The following CFAP61 variants were observed in gnomAD, a reference collection of about 807,000 sequenced individuals.
The protein encoded by CFAP61 is cilia- and flagella-associated protein 61.
A neutral mutation model predicts 135.6 loss-of-function variants in CFAP61; 107 were observed. The ratio of observed to expected loss-of-function variants is 0.79; its 90% CI spans 0.67 to 0.93. CFAP61 has a LOEUF of 0.93. Among genes scored for constraint, CFAP61 ranks in the 40% least tolerant of loss-of-function variants. The probability of loss-of-function intolerance (pLI) is 0.00; values close to 1 mark genes in which losing one functional copy is unlikely to be tolerated. For missense variants in CFAP61, 1,507 were observed against 1,556.2 expected, an observed-to-expected ratio of 0.97 and a Z score of 0.53; for synonymous variants, 575 against 578.5, an observed-to-expected ratio of 0.99 and a Z score of 0.09.
At chr20:20,061,504 A>C (rs2044793881) in intron 2 of CFAP61, among the ~76,000 whole-genome samples, 1 of 152,184 alleles carries the variant, frequency 6.6e-6, no homozygotes, top group Admixed American at 6.5e-5. Flanking sequence ...CTCACCCAAA[A>C]TAAGGGCTAG....
At chr20:20,324,563 T>C (rs1282290609) in intron 25 of CFAP61, among the ~76,000 whole-genome samples, 1 of 152,218 alleles carries the variant, frequency 6.6e-6, no homozygotes, top group Non-Finnish European at 1.5e-5. Flanking sequence ...TTGTATATAA[T>C]GTTACCACTG....
chr20:20,200,257 C>T (rs897194614), intron 17 of CFAP61, among the ~76,000 whole-genome samples: 3 of 152,230 alleles, frequency 2.0e-5, no homozygotes, highest in Non-Finnish European at 4.4e-5. Context: ...GTTTTGCTTT[C>T]AATGCATTAA....
intron 8 of CFAP61, among the ~76,000 whole-genome samples, chr20:20,101,653 C>A (rs1218617459): frequency 1.4e-4 from 1 of 7,258 alleles, no homozygotes; most frequent in African/African-American, 8.7e-4. Context: ...GAGATGAAGG[C>A]CCCCCTCTGT....
In CFAP61 at chr20:20,199,764, T is replaced by A. The variant is rs750524058; in HGVS notation, c.1798-4T>A. ...CCCCTAAAATATAGATTGCTGTCTTTCAGTTCCAGAACCCCTACGCCCACT... is the reference window on the plus strand; with the variant it reads ...CCCCTAAAATATAGATTGCTGTCTTACAGTTCCAGAACCCCTACGCCCACT... On this transcript the variant is annotated splice_polypyrimidine_tract_variant and splice_region_variant and intron_variant, in intron 16 of 26. Transcript: ENST00000245957. 1 of 1,614,078 alleles carries A rather than the reference T, an allele frequency of 6.2e-7. No individual in the cohort carries two copies.
intron 6 of CFAP61, among the ~76,000 whole-genome samples, chr20:20,076,352 AG>A (rs1360929783): frequency 6.6e-6 from 1 of 152,146 alleles, no homozygotes; most frequent in Non-Finnish European, 1.5e-5. Context: ...TCGCAAGGGG[AG>A]GGGTGGTTGA....
intron 19 of CFAP61, among the ~76,000 whole-genome samples, chr20:20,250,212 A>G (rs1374823765): frequency 2.0e-5 from 3 of 152,234 alleles, no homozygotes; most frequent in Non-Finnish European, 4.4e-5. Context: ...TTGCCTCCAA[A>G]GAGAGTAAAC....
intron 22 of CFAP61, among the ~76,000 whole-genome samples, chr20:20,280,954 C>A (rs1405522330): frequency 1.3e-5 from 2 of 152,008 alleles, no homozygotes; most frequent in Admixed American, 6.6e-5. Flanking sequence ...TTTGTGCTTT[C>A]CTGACAATTA....
chr20:20,329,536 A>G (rs1177046623), intron 25 of CFAP61, among the ~76,000 whole-genome samples: 1 of 152,190 alleles, frequency 6.6e-6, no homozygotes, highest in Admixed American at 6.5e-5. Flanking sequence ...TACCCTGTCC[A>G]GTGTAGCCTC....
intron 26 of CFAP61, among the ~76,000 whole-genome samples, chr20:20,358,200 ATGGTCATACTGTGAGGGGAG>A: frequency 8.8e-6 from 1 of 113,450 alleles, no homozygotes; most frequent in African/African-American, 3.4e-5. Context: ...ACTGAGGGGA[ATGGTCATACTGTGAGGGGAG>A]GTGGTCACAC....
At chr20:20,189,105 A>G (rs1356564402) in intron 14 of CFAP61, among the ~76,000 whole-genome samples, 1 of 152,130 alleles carries the variant, frequency 6.6e-6, no homozygotes, top group African/African-American at 2.4e-5. Flanking sequence ...AGTTCCAGTT[A>G]TTTGCTCTTT....
At chr20:20,243,306 T>C (rs182330936) in intron 18 of CFAP61, among the ~76,000 whole-genome samples, 6 of 152,210 alleles carry the variant, frequency 3.9e-5, no homozygotes, top group Non-Finnish European at 7.3e-5. Flanking sequence ...ATGGGAATTA[T>C]GGGAGCTACA....
chr20:20,304,267 G>A (rs975020773), intron 25 of CFAP61, among the ~76,000 whole-genome samples: 11 of 90,268 alleles, frequency 1.2e-4, no homozygotes, highest in African/African-American at 2.0e-4. Flanking sequence ...ATCCACCATC[G>A]GTGACTGTGT....
At chr20:20,355,969 ATCACACTGTGAGGGGACG>A (rs1448493267) in intron 26 of CFAP61, among the ~76,000 whole-genome samples, 11 of 51,774 alleles carry the variant, frequency 2.1e-4, no homozygotes, top group Admixed American at 7.4e-4. Flanking sequence ...AGGGGAGGTG[ATCACACTGTGAGGGGACG>A]TCACACTGTG....
chr20:20,169,520 A>C, intron 13 of CFAP61, 60 bp downstream of exon 13: 1 of 1,374,120 alleles, frequency 7.3e-7, no homozygotes, highest in Non-Finnish European at 9.7e-7. Context: ...AGAAGGGAAC[A>C]AGGAACTCCC....
intron 10 of CFAP61, among the ~76,000 whole-genome samples, chr20:20,160,270 A>G (rs185045326): frequency 6.6e-6 from 1 of 152,280 alleles, no homozygotes; most frequent in East Asian, 1.9e-4. Context: ...AAGCCTAGAG[A>G]ACCCTTGAGA....
intron 25 of CFAP61, among the ~76,000 whole-genome samples, chr20:20,303,577 T>G (rs2056240515): frequency 6.6e-6 from 1 of 152,094 alleles, no homozygotes; most frequent in African/African-American, 2.4e-5. Flanking sequence ...CAGGTCCTAG[T>G]GCTAATTTTT....
chr20:20,063,520 A>G (rs2044983668), intron 2 of CFAP61, among the ~76,000 whole-genome samples: 1 of 152,214 alleles, frequency 6.6e-6, no homozygotes, highest in Non-Finnish European at 1.5e-5. Context: ...CAATAAACAG[A>G]GACAAAATCA....
intron 2 of CFAP61, among the ~76,000 whole-genome samples, chr20:20,062,977 T>A (rs2044922346): frequency 6.6e-6 from 1 of 152,214 alleles, no homozygotes; most frequent in Non-Finnish European, 1.5e-5. Flanking sequence ...TTAAAGGGAT[T>A]GGGGACCTGT....
chr20:20,196,824 T>C, intron 16 of CFAP61, 48 bp downstream of exon 16: 1 of 1,473,058 alleles, frequency 6.8e-7, no homozygotes, highest in South Asian at 1.1e-5. Context: ...ACGTTCACAG[T>C]GTTGTTGGTG....
Sources: allele counts gnomAD v4.1 joint callset (sites outside exome capture counted in the v4.1 genomes callset), GRCh38; gene constraint gnomAD v4.1.1; transcripts MANE v1.5; gene names NCBI Gene and HGNC (gene_info 2026-07-23, HGNC 2026-07-21).